ADGRE1: variants seen among roughly 807,000 people sequenced by gnomAD.
ADGRE1 encodes EGF-like module receptor 1.
A neutral mutation model predicts 102.7 loss-of-function variants in ADGRE1; 82 were observed. The ratio of observed to expected loss-of-function variants is 0.80; its 90% CI spans 0.67 to 0.96. The LOEUF is 0.96. Among genes scored for constraint, ADGRE1 ranks in the 40% least tolerant of loss-of-function variants. The pLI, the probability that ADGRE1 is intolerant of heterozygous loss-of-function variation, is 0.00. For missense variants in ADGRE1, 1,032 were observed against 1,085.3 expected (o/e 0.95, Z 0.69); for synonymous variants, 398 against 399.6 (o/e 1.00, Z 0.05).
In ADGRE1 at chr19:6,937,383, T is replaced by G. The variant is rs925542521; in HGVS notation, c.2522T>G (p.Phe841Cys). 2 of 1,613,764 alleles carry G rather than the reference T, an allele frequency of 1.2e-6. No homozygotes were observed. The highest frequency in any genetic ancestry group is 2.7e-5 in the African/African-American group (2 of 74,882). Residue 841 changes from phenylalanine (F) to cysteine (C), a missense_variant, in exon 19 of 21, where the codon TTC becomes TGC. Physicochemically the swap from Phe to Cys is radical, Grantham distance 205. Coordinates refer to ENST00000312053, the MANE Select transcript of ADGRE1 (RefSeq NM_001974.5). ...IINSLQGAFIFLIHCLLNGQV... is the reference protein window; with the variant it reads ...IINSLQGAFICLIHCLLNGQV... ...AACAGCCTGCAGGGGGCCTTCATCT[T>G]CCTCATCCACTGTCTGCTCAACGGC...
chr19:6,923,739 T>C (rs1011094132), intron 14 of ADGRE1, among the ~76,000 whole-genome samples: 1 of 151,690 alleles, frequency 6.6e-6, no homozygotes, highest in African/African-American at 2.4e-5. Context: ...GATTTCGCCA[T>C]GTTGGCCAGG....
At chr19:6,925,074 A>G (rs900978828) in intron 15 of ADGRE1, among the ~76,000 whole-genome samples, 1 of 151,964 alleles carries the variant, frequency 6.6e-6, no homozygotes, top group Non-Finnish European at 1.5e-5. Flanking sequence ...TATGTCCCTG[A>G]TCGTGTTATG....
rs759089131 is a variant in ADGRE1 at position 6,926,330 on chromosome 19, G to T, written c.1987-36G>T. The T allele has an allele frequency of 1.9e-6, 3 of 1,605,438 alleles. No homozygotes were observed. The East Asian group carries it at 6.7e-5, about 36-fold the overall frequency. On this transcript the variant is annotated intron_variant, in intron 15 of 20. Transcript: ENST00000312053. Reference sequence around the variant, plus strand: ...TTCTTCCTTTCGATTTCTCTCTGGGGTGGAGGATTCTGATGCGCATGCTTC... The same window carrying T: ...TTCTTCCTTTCGATTTCTCTCTGGGTTGGAGGATTCTGATGCGCATGCTTC...
Sources: allele counts gnomAD v4.1 joint callset (sites outside exome capture counted in the v4.1 genomes callset), GRCh38; gene constraint gnomAD v4.1.1; transcripts MANE v1.5; gene names NCBI Gene and HGNC (gene_info 2026-07-23, HGNC 2026-07-21).